The following ENTREP2 variants were observed in gnomAD, a reference collection of about 807,000 sequenced individuals.
ENTREP2 encodes endosomal transmembrane epsin interactor 2, also known as protein ENTREP2.
chr15:29,550,051 G>C, the ENTREP2 span, among the ~76,000 whole-genome samples: 1 of 152,200 alleles, frequency 6.6e-6, no homozygotes, highest in African/African-American at 2.4e-5. Context: ...TTACCCTCCA[G>C]ACACTGTCCC....
At chr15:29,629,334 TTTA>T in the ENTREP2 span, among the ~76,000 whole-genome samples, 4 of 152,206 alleles carry the variant, frequency 2.6e-5, no homozygotes, top group Admixed American at 6.5e-5. Flanking sequence ...AGTCTACCAT[TTTA>T]TTATTGATCT....
chr15:29,575,494 T>C, the ENTREP2 span, among the ~76,000 whole-genome samples: 1 of 152,156 alleles, frequency 6.6e-6, no homozygotes, highest in Non-Finnish European at 1.5e-5. Flanking sequence ...CAATATTTTA[T>C]TGGAAGTTCA....
At chr15:29,165,116 C>T in the ENTREP2 span, among the ~76,000 whole-genome samples, 1 of 152,172 alleles carries the variant, frequency 6.6e-6, no homozygotes, top group Non-Finnish European at 1.5e-5. Context: ...AAAAATTCTT[C>T]GAACTGAACG....
At chr15:29,440,120 T>C in the ENTREP2 span, among the ~76,000 whole-genome samples, 1 of 152,282 alleles carries the variant, frequency 6.6e-6, no homozygotes, top group Middle Eastern at 3.4e-3. Context: ...TTAGAGGAGA[T>C]TCAAGAGATA....
At chr15:29,376,038 G>C in the ENTREP2 span, 1 of 151,922 alleles carries the variant, frequency 6.6e-6, no homozygotes, top group South Asian at 2.1e-4. Flanking sequence ...GGATCTATAT[G>C]GTACTCATAT....
chr15:29,433,114 C>T, the ENTREP2 span, among the ~76,000 whole-genome samples: 2 of 152,292 alleles, frequency 1.3e-5, no homozygotes, highest in African/African-American at 2.4e-5. Flanking sequence ...CTGCCTGGGC[C>T]AGCCCCCGAC....
chr15:29,502,257 C>G, the ENTREP2 span, among the ~76,000 whole-genome samples: 1 of 151,878 alleles, frequency 6.6e-6, no homozygotes, highest in African/African-American at 2.4e-5. Context: ...CAGTGTGATA[C>G]TGGTATAAGA....
the ENTREP2 span, among the ~76,000 whole-genome samples, chr15:29,559,173 A>G: frequency 6.6e-6 from 1 of 152,142 alleles, no homozygotes; most frequent in Non-Finnish European, 1.5e-5. Flanking sequence ...TCTGGCAAAA[A>G]AAGTAAGCAC....
the ENTREP2 span, among the ~76,000 whole-genome samples, chr15:29,120,076 A>ACT: frequency 1.3e-5 from 2 of 152,008 alleles, no homozygotes; most frequent in Non-Finnish European, 2.9e-5. Flanking sequence ...GGCCCTCCCC[A>ACT]CTCTGCCCCG....
the ENTREP2 span, among the ~76,000 whole-genome samples, chr15:29,288,638 C>G: frequency 7.9e-5 from 12 of 152,296 alleles, no homozygotes; most frequent in African/African-American, 2.9e-4. Flanking sequence ...TAGTATTCAG[C>G]ACAGTAACGT....
At chr15:29,594,280 C>T in the ENTREP2 span, among the ~76,000 whole-genome samples, 1 of 152,082 alleles carries the variant, frequency 6.6e-6, no homozygotes, top group East Asian at 1.9e-4. Context: ...TATTAGTTCC[C>T]CTAATGGGCC....
At chr15:29,535,703 C>T in the ENTREP2 span, among the ~76,000 whole-genome samples, 3 of 152,084 alleles carry the variant, frequency 2.0e-5, no homozygotes, top group African/African-American at 7.2e-5. Context: ...AACAAACTAC[C>T]CAAAAAGTTA....
At chr15:29,394,502 T>C in the ENTREP2 span, among the ~76,000 whole-genome samples, 2 of 152,180 alleles carry the variant, frequency 1.3e-5, no homozygotes, top group African/African-American at 4.8e-5. Flanking sequence ...GAACAGAATA[T>C]AATGTCCAGA....
At chr15:29,571,938 G>A in the ENTREP2 span, among the ~76,000 whole-genome samples, 2 of 152,156 alleles carry the variant, frequency 1.3e-5, no homozygotes, top group African/African-American at 4.8e-5. Flanking sequence ...AAGGGAAACG[G>A]CCGGTCATTT....
At chr15:29,144,240 A>G in the ENTREP2 span, among the ~76,000 whole-genome samples, 4 of 152,246 alleles carry the variant, frequency 2.6e-5, no homozygotes, top group African/African-American at 7.2e-5. Context: ...ACATGCAAAC[A>G]TAATACATAC....
At chr15:29,423,692 AGAGGCT>A in the ENTREP2 span, among the ~76,000 whole-genome samples, 1 of 151,844 alleles carries the variant, frequency 6.6e-6, no homozygotes, top group Non-Finnish European at 1.5e-5. Context: ...CAGCTACGCC[AGAGGCT>A]GAGGCAGGAG....
At chr15:29,493,928 G>C in the ENTREP2 span, among the ~76,000 whole-genome samples, 2 of 152,128 alleles carry the variant, frequency 1.3e-5, no homozygotes, top group African/African-American at 4.8e-5. Context: ...AGAGAGCCAA[G>C]ATCACACCAC....
the ENTREP2 span, chr15:29,195,280 C>T: frequency 1.3e-4 from 129 of 985,184 alleles, 1 homozygote; most frequent in Admixed American, 2.4e-3. Context: ...GGAGATGAGC[C>T]GCATCCTCTC....
At chr15:29,630,780 C>T in the ENTREP2 span, among the ~76,000 whole-genome samples, 11 of 152,132 alleles carry the variant, frequency 7.2e-5, no homozygotes, top group Admixed American at 5.2e-4. Flanking sequence ...CTCCACCTCC[C>T]GGGTTCAAGT....
Sources: allele counts gnomAD v4.1 joint callset (sites outside exome capture counted in the v4.1 genomes callset), GRCh38; gene constraint gnomAD v4.1.1; transcripts MANE v1.5; gene names NCBI Gene and HGNC (gene_info 2026-07-23, HGNC 2026-07-21).